The following OBSL1 variants were observed in gnomAD, a reference collection of about 807,000 sequenced individuals.
OBSL1 encodes the protein obscurin-like protein 1.
Under a neutral mutation model 172.0 loss-of-function variants are expected in OBSL1, and 160 were observed. The observed-to-expected ratio is 0.93, with a 90% CI of 0.82 to 1.06. The LOEUF (loss-of-function observed/expected upper bound fraction) is 1.06, where lower values mean the gene tolerates loss of function less well. Among genes scored for constraint, OBSL1 ranks in the 50% least tolerant of loss-of-function variants. OBSL1 has a pLI of 0.00. For synonymous variants in OBSL1, 1,200 were observed against 1,196.3 expected, an observed-to-expected ratio of 1.00 and a Z score of -0.06; for missense variants, 2,681 against 2,715.4, an observed-to-expected ratio of 0.99 and a Z score of 0.28.
chr2:219,547,538 A>G, downstream of OBSL1: 1 of 1,444,376 alleles, frequency 6.9e-7, no homozygotes, highest in Non-Finnish European at 9.1e-7. Context: ...GCTCTTTCTC[A>G]CTGGGTTGCT....
chr2:219,552,653 G>A lies in OBSL1; in HGVS notation c.5191C>T (p.Arg1731Cys), dbSNP rs958942749. Residue 1731 changes from arginine to cysteine, a missense_variant, in exon 18 of 21, where the codon CGC becomes TGC. Physicochemically the swap from Arg to Cys is radical, Grantham distance 180. Coordinates refer to ENST00000404537, the MANE Select transcript of OBSL1 (RefSeq NM_015311.3). ...TCGAACGTAGCGCCGTCGCCTTCGC[G>A]GGCGCTCACCGACCGCAGCTCGGAG... ...VLSELRSVSA[R>C]EGDGATFECT... 1.7e-5 allele frequency: 26 copies of A among 1,544,938 alleles called. No homozygotes were observed. Among genetic ancestry groups the A allele is most frequent in the African/African-American group, 6.8e-5 (5 of 73,498 alleles).
rs1265831301 is a variant in OBSL1 at position 219,567,923 on chromosome 2, T to G, written c.1329A>C (p.Gly443=). Residue 443 remains glycine (G), a synonymous_variant, in exon 3 of 21, where the codon GGA becomes GGC. Coordinates refer to ENST00000404537, the MANE Select transcript of OBSL1 (RefSeq NM_015311.3). ...RLPRKLDVLE[G]ENAVLLVETL... ...TTTCCACTAGCAGCACAGCATTCTC[T>G]CCTTCCAGGACGTCGAGCTTCCGGG... 1.2e-6 allele frequency: 2 copies of G among 1,613,650 alleles called. No homozygotes were observed. Among genetic ancestry groups the G allele is most frequent in the Non-Finnish European group, 1.7e-6 (2 of 1,179,878 alleles).
chr2:219,570,213 C>T lies in OBSL1; in HGVS notation c.1012+8G>A. ...AGGCCCCTCCCTAGGTCCCGGGCTC[C>T]GCCGTACCTTTCACGTGCAGCTGCA... On this transcript the variant is annotated splice_region_variant and intron_variant, in intron 1 of 20. Transcript: ENST00000404537. The T allele has an allele frequency of 6.5e-7, 1 of 1,541,414 alleles. No individual in the cohort carries two copies. The highest frequency in any genetic ancestry group is 1.3e-5 in the South Asian group (1 of 79,248).
At chr2:219,555,595 A>G (rs866234332) in intron 14 of OBSL1, 2 of 998,656 alleles carry the variant, frequency 2.0e-6, no homozygotes, top group African/African-American at 1.7e-5. Flanking sequence ...CCCATTTTTA[A>G]GGAGACTTGG....
intron 7 of OBSL1, chr2:219,563,119 G>T: frequency 1.9e-6 from 1 of 530,250 alleles, no homozygotes; most frequent in Non-Finnish European, 3.3e-6. Flanking sequence ...CTTGGTACAG[G>T]TTTTCAGGAG....
intron 5 of OBSL1, among the ~76,000 whole-genome samples, 153 bp downstream of exon 5, chr2:219,566,677 C>T (rs780849721): frequency 6.6e-6 from 1 of 152,202 alleles, no homozygotes; most frequent in Non-Finnish European, 1.5e-5. Context: ...ATTGGCCTTC[C>T]GGACCTCTGA....
rs199584687 is a variant in OBSL1 at position 219,562,468 on chromosome 2, C to G, written c.2887G>C (p.Glu963Gln). ...TCACACAAGTACTCGCCGGAGTCCT[C>G]GAGCTGGACAGCGGGCAGCACCAGG... Reference protein sequence around the residue: ...RRLVLPAVQLEDSGEYLCEID... With the variant: ...RRLVLPAVQLQDSGEYLCEID... Residue 963 changes from glutamate (E) to glutamine (Q), a missense_variant, in exon 8 of 21, where the codon GAG becomes CAG. By Grantham distance (29) the Glu-to-Gln change is conservative (BLOSUM62 2). Coordinates refer to ENST00000404537, the MANE Select transcript of OBSL1 (RefSeq NM_015311.3). 2.5e-6 allele frequency: 4 copies of G among 1,614,024 alleles called. No individual in the cohort carries two copies. The South Asian group carries it at 3.3e-5, about 13-fold the overall frequency.
downstream of OBSL1, chr2:219,548,961 G>C (rs1404370849): frequency 1.1e-5 from 7 of 621,382 alleles, no homozygotes; most frequent in East Asian, 1.9e-4. Flanking sequence ...ACCTATGGAA[G>C]AAAAGAACAA....
Position 219,551,445 on chromosome 2 carries a change from G to T in OBSL1, c.5683+84C>A, listed in dbSNP as rs536260455. On this transcript the variant is annotated intron_variant, in intron 20 of 20. Transcript: ENST00000404537. ...AGGACCCGTTGCCACCCCAAGTTCT[G>T]GAAAGCCTCCCATAGGTGTGGCTTA... 1.0e-3 allele frequency: 1,470 copies of T among 1,455,240 alleles called. 11 individuals carry two copies. Among genetic ancestry groups the T allele is most frequent in the South Asian group, 9.9e-3 (709 of 71,828 alleles). The allele number at this position is 1,455,240 out of a possible 1,614,324, so 90.1% of individuals were successfully genotyped here.
At position 219,567,522 on chromosome 2, in the gene OBSL1, G is replaced by A; in HGVS notation, c.1588C>T (p.His530Tyr). The A allele has an allele frequency of 6.2e-7, 1 of 1,613,440 alleles. No individual in the cohort carries two copies. The highest frequency in any genetic ancestry group is 8.5e-7 in the Non-Finnish European group (1 of 1,179,638). Residue 530 changes from histidine to tyrosine, a missense_variant, in exon 4 of 21, where the codon CAC (histidine) becomes TAC (tyrosine). His to Tyr is a moderately conservative substitution (Grantham distance 83). Transcript: ENST00000404537. Reference protein sequence around the residue: ...PPILAEMFKGHKNTVLLTWKP... With the variant: ...PPILAEMFKGYKNTVLLTWKP... The stretch of plus-strand genomic sequence containing the variant: ...CAGGTCAACAGGACCGTGTTCTTGT[G>A]GCCCTTGAACATCTCTGCCAATATG...
chr2:219,558,115 A>G lies in OBSL1; in HGVS notation c.3503-5T>C, dbSNP rs1166583097. The G allele has an allele frequency of 6.2e-6, 10 of 1,613,038 alleles. 1 individual carries two copies. Among genetic ancestry groups the G allele is most frequent in the Middle Eastern group, 3.3e-4 (2 of 6,056 alleles). ...CAAGGAACTGCACTGGAGGCTCTGG[A>G]GAAGAGAGGAAGGTGTCATCCCATG... On this transcript the variant is annotated splice_region_variant and splice_polypyrimidine_tract_variant and intron_variant, in intron 10 of 20. Transcript: ENST00000404537.
At chr2:219,565,579 T>A in intron 5 of OBSL1, 65 bp from the exon 6 acceptor site, 2 of 1,510,576 alleles carry the variant, frequency 1.3e-6, no homozygotes, top group Non-Finnish European at 1.8e-6. Context: ...GTCGGATGCA[T>A]CAGAGGGAAC....
chr2:219,558,590 C>T, intron 9 of OBSL1, 131 bp from the exon 10 acceptor site: 1 of 1,119,974 alleles, frequency 8.9e-7, no homozygotes, highest in Non-Finnish European at 1.2e-6. Context: ...GTCCATGGAG[C>T]AGCTGCTGTG....
Position 219,554,659 on chromosome 2 carries a change from G to GAC in OBSL1, c.4689_4690dup (p.Ser1564CysfsTer6). 1 of 1,605,386 alleles carries GAC rather than the reference G, an allele frequency of 6.2e-7. No individual in the cohort carries two copies. Among genetic ancestry groups the GAC allele is most frequent in the Admixed American group, 1.7e-5 (1 of 58,790 alleles). On this transcript the variant is annotated frameshift_variant, in exon 15 of 21. Transcript: ENST00000404537. LOFTEE classifies it high-confidence loss of function. ...CCACTCCCCGGTCACACCTTCCTGG[G>GAC]ACAGCTCCAGCTGGAAGGTGGCACT...
downstream of OBSL1, chr2:219,549,896 A>G: frequency 6.3e-7 from 1 of 1,592,490 alleles, no homozygotes; most frequent in Non-Finnish European, 8.6e-7. Context: ...CAGCTCTGCC[A>G]GCTCGAGGAG....
At position 219,568,312 on chromosome 2, in the gene OBSL1, C is replaced by A. The variant is rs761194151; in HGVS notation, c.1025G>T (p.Arg342Leu). The A allele has an allele frequency of 6.2e-7, 1 of 1,603,912 alleles. No individual in the cohort carries two copies. Among genetic ancestry groups the A allele is most frequent in the African/African-American group, 1.3e-5 (1 of 74,794 alleles). ...CACGTCCTGCAGGGGCCGTGTGAAC[C>A]GGAGGCGGGGCTCTGTGGAGAGGGG... is the stretch of plus-strand genomic sequence containing the variant. The part of the protein sequence containing the change: ...VQLHVKEPRL[R>L]FTRPLQDVEG... Residue 342 changes from arginine (R) to leucine (L), a missense_variant, in exon 2 of 21, where the codon CGG becomes CTG. By Grantham distance (102) the Arg-to-Leu change is moderately radical (BLOSUM62 -2). This residue lies in a region of OBSL1 where 706 missense variants were observed against 695.8 expected (regional missense o/e 1.01). Transcript: ENST00000404537. The surrounding 1 kb of genome is among the most constrained non-coding windows in gnomAD (Gnocchi z 4.1).
At chr2:219,550,052 C>G (rs1695521743), downstream of OBSL1, 3 of 686,342 alleles carry the variant, frequency 4.4e-6, no homozygotes, top group Admixed American at 9.0e-5. Context: ...CCAAGAGGCT[C>G]CTGAGGAACT....
In OBSL1 at chr2:219,556,848, G is replaced by C. The variant is rs986992062; in HGVS notation, c.4067-125C>G. 16 of 1,056,852 alleles carry C rather than the reference G, an allele frequency of 1.5e-5. No individual in the cohort carries two copies. In the African/African-American group the frequency reaches 2.4e-4, roughly 16 times the overall value. 65.5% of individuals were successfully genotyped at this position (1,056,852 alleles called of 1,614,324 possible). A position where few individuals can be genotyped will look rare whatever the true frequency, so the allele number is the denominator to read the frequency against. On this transcript the variant is annotated intron_variant, in intron 12 of 20. Transcript: ENST00000404537. Reference sequence around the variant, plus strand: ...CAGACCTTCTGTGAGGACCTACTATGTATCGACCACACCGATGGCCCAAAG... The same window carrying C: ...CAGACCTTCTGTGAGGACCTACTATCTATCGACCACACCGATGGCCCAAAG...
chr2:219,548,609 G>A (rs1559127675), downstream of OBSL1, among the ~76,000 whole-genome samples: 3 of 152,218 alleles, frequency 2.0e-5, no homozygotes, highest in Admixed American at 1.3e-4. Context: ...CAGCTTGCTT[G>A]AGGAAGTGGG....
Sources: allele counts gnomAD v4.1 joint callset (sites outside exome capture counted in the v4.1 genomes callset), GRCh38; gene constraint gnomAD v4.1.1; regional missense constraint gnomAD v4.1.1; non-coding constraint Gnocchi (gnomAD v3.1); transcripts MANE v1.5; gene names NCBI Gene and HGNC (gene_info 2026-07-23, HGNC 2026-07-21).